Variants in NUBP1 observed in about 807,000 individuals in gnomAD.
NUBP1 encodes the protein NUBP iron-sulfur cluster assembly factor 1, cytosolic.
NUBP1 carries 46 observed loss-of-function variants against 41.8 expected under a neutral mutation model. The observed-to-expected ratio is 1.10, with a 90% CI of 0.87 to 1.41. NUBP1 has a LOEUF of 1.41. NUBP1 is among the 40% of genes most tolerant of loss of function. NUBP1 has a pLI of 0.00. For synonymous variants in NUBP1, 189 were observed against 154.6 expected, an observed-to-expected ratio of 1.22 and a Z score of -1.65; for missense variants, 494 against 414.0, an observed-to-expected ratio of 1.19 and a Z score of -1.68.
At chr16:10,743,915 C>T (rs933144972) in intron 1 of NUBP1, 33 bp downstream of exon 1, 4 of 1,575,824 alleles carry the variant, frequency 2.5e-6, no homozygotes, top group Non-Finnish European at 3.4e-6. Flanking sequence ...GGTCGCGGGG[C>T]GAAAGTGTCG....
Position 10,767,677 on chromosome 16 carries a change from T to C in NUBP1, c.821-272T>C. 1 of 508,044 alleles carries C rather than the reference T, an allele frequency of 2.0e-6. No homozygotes were observed. Among genetic ancestry groups the C allele is most frequent in the Admixed American group, 3.5e-5 (1 of 28,336 alleles). The allele number at this position is 508,044 out of a possible 1,614,324, so 31.5% of individuals were successfully genotyped here. On this transcript the variant is annotated intron_variant, in intron 9 of 10. Coordinates refer to ENST00000283027, the MANE Select transcript of NUBP1 (RefSeq NM_002484.4). This position sits in a 1 kb window ranked among gnomAD's most constrained non-coding sequence, Gnocchi z 4.6. ...TAAAATGCAGACTCCTGGGCCCATG[T>C]GGAAGCTGCTGAATCAGTTCTCTGT... is the stretch of plus-strand genomic sequence containing the variant.
chr16:10,756,855 G>A (rs536683055), intron 6 of NUBP1, 75 bp downstream of exon 6: 23 of 1,166,060 alleles, frequency 2.0e-5, no homozygotes, highest in Middle Eastern at 2.1e-4. Context: ...TCTGCTCCCT[G>A]TCCTGCCAGT....
Position 10,768,510 on chromosome 16 carries a change from G to A in NUBP1, c.904+478G>A, listed in dbSNP as rs1037205893. ...TAGTCCCAGCTACTCAGGAGGCTGA[G>A]GCAGGAGAATCGCTTGAACCTGGGA... On this transcript the variant is annotated intron_variant, in intron 10 of 10. Coordinates refer to ENST00000283027, the MANE Select transcript of NUBP1 (RefSeq NM_002484.4). This position sits in a 1 kb window ranked among gnomAD's most constrained non-coding sequence, Gnocchi z 4.3. The A allele has an allele frequency of 6.3e-6, 1 of 157,774 alleles. No homozygotes were observed. Among genetic ancestry groups the A allele is most frequent in the Non-Finnish European group, 1.4e-5 (1 of 71,868 alleles). The allele number at this position is 157,774 out of a possible 1,614,324, so 9.8% of individuals were successfully genotyped here.
intron 2 of NUBP1, 48 bp from the exon 3 acceptor site, chr16:10,747,095 G>C: frequency 6.2e-7 from 1 of 1,607,210 alleles, no homozygotes; most frequent in Non-Finnish European, 8.5e-7. Flanking sequence ...CGTGACATTC[G>C]AGGTTTGGTG....
chr16:10,757,813 G>C lies in NUBP1; in HGVS notation c.452-60G>C. 6 of 1,576,570 alleles carry C rather than the reference G, an allele frequency of 3.8e-6. No individual in the cohort carries two copies. The highest frequency in any genetic ancestry group is 1.1e-5 in the South Asian group (1 of 88,440). ...CCCCATCCTTTAAAAAAAAAAGAGG[G>C]AGTTGAAAGTACAGAAAAGAAAGGA... On this transcript the variant is annotated intron_variant, in intron 6 of 10. Coordinates refer to ENST00000283027, the MANE Select transcript of NUBP1 (RefSeq NM_002484.4). The surrounding 1 kb of genome is among the most constrained non-coding windows in gnomAD (Gnocchi z 4.1).
Position 10,768,189 on chromosome 16 carries a change from C to A in NUBP1, c.904+157C>A. 1.7e-6 allele frequency: 1 copy of A among 580,746 alleles called. No homozygotes were observed. Among genetic ancestry groups the A allele is most frequent in the East Asian group, 2.9e-5 (1 of 34,752 alleles). The allele number at this position is 580,746 out of a possible 1,614,324, so 36.0% of individuals were successfully genotyped here. A position where few individuals can be genotyped will look rare whatever the true frequency, so the allele number is the denominator to read the frequency against. On this transcript the variant is annotated intron_variant, in intron 10 of 10. Transcript: ENST00000283027. The surrounding 1 kb of genome is among the most constrained non-coding windows in gnomAD (Gnocchi z 4.3). ...AGCCAGGAGTCCATGAGAAATCTCT[C>A]AATGTGTGAGTATTGTGAATTAATT...
At position 10,766,534 on chromosome 16, in the gene NUBP1, A is replaced by C. The variant is rs1184967266; in HGVS notation, c.821-1415A>C. 6.3e-6 allele frequency: 1 copy of C among 158,498 alleles called. No individual in the cohort carries two copies. The highest frequency in any genetic ancestry group is 1.4e-5 in the Non-Finnish European group (1 of 72,476). 9.8% of individuals were successfully genotyped at this position (158,498 alleles called of 1,614,324 possible). A position where few individuals can be genotyped will look rare whatever the true frequency, so the allele number is the denominator to read the frequency against. On this transcript the variant is annotated intron_variant, in intron 9 of 10. Transcript: ENST00000283027. This position sits in a 1 kb window ranked among gnomAD's most constrained non-coding sequence, Gnocchi z 4.8. ...CCAGCATGACTATTCTGGGATCCCC[A>C]ACCTCCCAGGTCTGGCCCAGCGAAC...
Position 10,769,177 on chromosome 16 carries a change from G to T in NUBP1, c.*72G>T. On this transcript the variant is annotated 3_prime_UTR_variant, in exon 11 of 11. Transcript: ENST00000283027. Reference sequence around the variant, plus strand: ...CTGGGCAGCACATCCAGCCAGACCCGACCAGCTCCGGGATGGGGTGGGTCA... The same window carrying T: ...CTGGGCAGCACATCCAGCCAGACCCTACCAGCTCCGGGATGGGGTGGGTCA... 1 of 1,426,118 alleles carries T rather than the reference G, an allele frequency of 7.0e-7. No homozygotes were observed. Among genetic ancestry groups the T allele is most frequent in the South Asian group, 1.2e-5 (1 of 85,978 alleles). The allele number at this position is 1,426,118 out of a possible 1,614,324, so 88.3% of individuals were successfully genotyped here. A position where few individuals can be genotyped will look rare whatever the true frequency, so the allele number is the denominator to read the frequency against.
chr16:10,761,337 G>A (rs2029879057), intron 7 of NUBP1, 27 bp from the exon 8 acceptor site: 3 of 1,603,996 alleles, frequency 1.9e-6, no homozygotes, highest in Non-Finnish European at 2.6e-6. Flanking sequence ...TTTGATGCTG[G>A]AATCACTGGT....
At position 10,767,982 on chromosome 16, in the gene NUBP1, T is replaced by G. The variant is rs143719398; in HGVS notation, c.854T>G (p.Ile285Ser). The stretch of plus-strand genomic sequence containing the variant: ...TGTGACAAAGGCCAGTCTTTTTTCA[T>G]TGACGCCCCAGATTCCCCAGCCACG... ...KNCDKGQSFF[I>S]DAPDSPATLA... Residue 285 changes from isoleucine to serine, a missense_variant, in exon 10 of 11, where the codon ATT (isoleucine) becomes AGT (serine). Transcript: ENST00000283027. The surrounding 1 kb of genome is among the most constrained non-coding windows in gnomAD (Gnocchi z 4.6). 128 of 1,614,210 alleles carry G rather than the reference T, an allele frequency of 7.9e-5. No individual in the cohort carries two copies. The African/African-American group carries it at 1.2e-3, about 15-fold the overall frequency.
rs1222423423 is a variant in NUBP1, at chr16:10,745,404, G to A, written c.124+1339G>A. 3.9e-5 allele frequency among the ~76,000 whole-genome samples: 6 copies of A among 152,064 alleles called. No individual in the cohort carries two copies. The East Asian group carries it at 1.2e-3, about 29-fold the overall frequency. ...CGGGAGGTGGAGGTTGCAGTGAGCT[G>A]AGATCGTGCCACTGCACTCCAGCCT... On this transcript the variant is annotated intron_variant, in intron 2 of 10. Transcript: ENST00000283027.
chr16:10,761,047 AGGAG>A, intron 7 of NUBP1: 1 of 263,912 alleles, frequency 3.8e-6, no homozygotes, highest in Non-Finnish European at 7.5e-6. Context: ...GAGAGTGTGT[AGGAG>A]GAACTGTCAA....
At chr16:10,760,693 TG>T (rs1900888098) in intron 7 of NUBP1, among the ~76,000 whole-genome samples, 1 of 152,130 alleles carries the variant, frequency 6.6e-6, no homozygotes, top group Admixed American at 6.5e-5. Context: ...GCAATGATTA[TG>T]CCACTGCACT....
At chr16:10,762,118 GGGT>G in intron 9 of NUBP1, 1 of 352,912 alleles carries the variant, frequency 2.8e-6, no homozygotes, top group Non-Finnish European at 5.2e-6. Context: ...AGGTTGGTGA[GGGT>G]GGTGGTGGCA....
At chr16:10,762,519 C>G (rs1439933766) in intron 9 of NUBP1, among the ~76,000 whole-genome samples, 1 of 152,238 alleles carries the variant, frequency 6.6e-6, no homozygotes, top group Non-Finnish European at 1.5e-5. Context: ...GAAGCTGCTC[C>G]CCCAGGAGGC....
chr16:10,756,386 GAAAAATAA>G (rs1429003656), intron 5 of NUBP1, among the ~76,000 whole-genome samples: 1 of 138,260 alleles, frequency 7.2e-6, no homozygotes, highest in Non-Finnish European at 1.6e-5. Flanking sequence ...TCAAAAAAAT[GAAAAATAA>G]AAAAATAAAA....
chr16:10,752,614 C>G lies in NUBP1; in HGVS notation c.263C>G (p.Ala88Gly), dbSNP rs1567256019. ...GLAEDENTQI[A>G]LLDIDICGPS... Reference sequence around the variant, plus strand: ...TTGGTCTCTTCTTGTCCCCAGATTGCTCTTCTAGACATCGATATATGTGGG... The same window carrying G: ...TTGGTCTCTTCTTGTCCCCAGATTGGTCTTCTAGACATCGATATATGTGGG... The change falls in exon 4 of 11, where the codon GCT becomes GGT. Residue 88 changes from alanine to glycine, a missense_variant. By Grantham distance (60) the Ala-to-Gly change is moderately conservative. Transcript: ENST00000283027. The G allele has an allele frequency of 3.1e-6, 5 of 1,613,404 alleles. No individual in the cohort carries two copies. In the South Asian group the frequency reaches 4.4e-5, roughly 14 times the overall value.
chr16:10,750,387 G>A (rs1002187787), intron 3 of NUBP1, among the ~76,000 whole-genome samples: 26 of 152,148 alleles, frequency 1.7e-4, no homozygotes, highest in African/African-American at 6.0e-4. Context: ...GATTACAGGC[G>A]TGTGCCACCA....
intron 3 of NUBP1, among the ~76,000 whole-genome samples, chr16:10,747,684 T>C (rs1171668058): frequency 2.0e-5 from 3 of 152,152 alleles, no homozygotes; most frequent in Non-Finnish European, 4.4e-5. Flanking sequence ...CTCTTTGGAA[T>C]CTCAATCCGG....
Sources: gnomAD v4.1 joint callset for allele counts (sites outside exome capture counted in the v4.1 genomes callset) on GRCh38, gnomAD v4.1.1 for gene constraint, Gnocchi (gnomAD v3.1) non-coding constraint, MANE v1.5 for transcripts, NCBI Gene and HGNC (gene_info 2026-07-23, HGNC 2026-07-21) for gene names.